HECTD4: variants seen among roughly 807,000 people sequenced by gnomAD.
HECTD4 encodes probable E3 ubiquitin-protein ligase HECTD4.
A neutral mutation model predicts 471.5 loss-of-function variants in HECTD4; 114 were observed. The ratio of observed to expected loss-of-function variants is 0.24; its 90% CI spans 0.21 to 0.28. The LOEUF is 0.28. Ranked by LOEUF, HECTD4 falls within the 10% of genes least tolerant of loss-of-function variation. The probability of loss-of-function intolerance (pLI) is 1.00; values close to 1 mark genes in which losing one functional copy is unlikely to be tolerated. For missense variants in HECTD4, 3,866 were observed against 5,651.5 expected, an observed-to-expected ratio of 0.68 and a Z score of 10.13; for synonymous variants, 2,012 against 2,256.0, an observed-to-expected ratio of 0.89 and a Z score of 3.07.
intron 23 of HECTD4, 39 bp from the exon 24 acceptor site, chr12:112,251,173 A>G: frequency 6.3e-7 from 1 of 1,595,066 alleles, no homozygotes; most frequent in East Asian, 2.2e-5. Context: ...TGGTCAGTGT[A>G]CACTGGCAGA....
chr12:112,209,418 C>T (rs1462079140), intron 50 of HECTD4, among the ~76,000 whole-genome samples: 1 of 151,924 alleles, frequency 6.6e-6, no homozygotes, highest in Non-Finnish European at 1.5e-5. Flanking sequence ...CCTCCACCTC[C>T]CGGTTCAAGC....
chr12:112,325,842 G>A (rs1230764968), intron 1 of HECTD4, among the ~76,000 whole-genome samples: 1 of 143,872 alleles, frequency 7.0e-6, no homozygotes, highest in African/African-American at 2.5e-5. Flanking sequence ...GAGACAGGTT[G>A]ACTCCAGCAG....
chr12:112,199,334 C>G (rs2032343311), intron 55 of HECTD4, among the ~76,000 whole-genome samples: 1 of 152,150 alleles, frequency 6.6e-6, no homozygotes, highest in Admixed American at 6.5e-5. Context: ...TTGACTGACT[C>G]ATTGAACTTA....
intron 54 of HECTD4, 73 bp downstream of exon 54, chr12:112,203,563 T>G: frequency 8.0e-7 from 1 of 1,256,782 alleles, no homozygotes; most frequent in Non-Finnish European, 1.1e-6. Context: ...CTTTTTAAGG[T>G]ACCTGGGAAT....
chr12:112,177,151 G>C (rs1014332066), intron 64 of HECTD4, among the ~76,000 whole-genome samples: 1 of 152,182 alleles, frequency 6.6e-6, no homozygotes, highest in Non-Finnish European at 1.5e-5. Context: ...CACCAGCACA[G>C]AAAAGTACTA....
At chr12:112,199,019 T>C (rs563820763) in intron 55 of HECTD4, among the ~76,000 whole-genome samples, 10 of 152,276 alleles carry the variant, frequency 6.6e-5, no homozygotes, top group Non-Finnish European at 1.5e-4. Context: ...CTGGAAGCCA[T>C]GCCTGTGGAG....
Position 112,228,113 on chromosome 12 carries a change from C to A in HECTD4, c.6830G>T (p.Arg2277Leu). The part of the protein sequence containing the change: ...DGSAPVMAVV[R>L]LLAEIRTRAC... ...CCTTGTCCTTATTTCAGCAAGGAGC[C>A]GAACGACTGCCATCACAGGAGCTGA... Residue 2277 changes from arginine to leucine, a missense_variant, in exon 43 of 76, where the codon CGG (arginine) becomes CTG (leucine). Arg to Leu is a moderately radical substitution (Grantham distance 102). Around this residue, in one of 16 missense-constraint regions of HECTD4, gnomAD observed 617 missense variants for 915.1 expected, o/e 0.67. Coordinates refer to ENST00000682272, the MANE Select transcript of HECTD4 (RefSeq NM_001388303.1). The surrounding 1 kb of genome is among the most constrained non-coding windows in gnomAD (Gnocchi z 4.9). The A allele has an allele frequency of 6.2e-7, 1 of 1,612,826 alleles. No homozygotes were observed. Among genetic ancestry groups the A allele is most frequent in the Non-Finnish European group, 8.5e-7 (1 of 1,179,406 alleles).
intron 1 of HECTD4, among the ~76,000 whole-genome samples, chr12:112,363,416 A>C (rs1239739703): frequency 6.6e-6 from 1 of 152,088 alleles, no homozygotes; most frequent in Non-Finnish European, 1.5e-5. Flanking sequence ...TTTTCAAGGT[A>C]CTGCTACTCA....
rs371570217 is a variant in HECTD4 at position 112,169,549 on chromosome 12, T to C, written c.12162A>G (p.Thr4054=). The change falls in exon 70 of 76, where the codon ACA becomes ACG. Residue 4054 remains threonine, a synonymous_variant. Transcript: ENST00000682272. ...CVKLASGGDP[T]YAFNIRFTGE... is the part of the protein sequence containing the mutation. ...CAGTGAAGCGGATGTTGAAGGCATA[T>C]GTGGGGTCACCGCCACTGGCCAGCT... 1.2e-6 allele frequency: 2 copies of C among 1,613,346 alleles called. No homozygotes were observed. The highest frequency in any genetic ancestry group is 1.3e-5 in the African/African-American group (1 of 74,938).
chr12:112,184,407 A>T lies in HECTD4; in HGVS notation c.10559T>A (p.Ile3520Asn), dbSNP rs2137027530. 1 of 1,607,394 alleles carries T rather than the reference A, an allele frequency of 6.2e-7. No homozygotes were observed. Among genetic ancestry groups the T allele is most frequent in the Non-Finnish European group, 8.5e-7 (1 of 1,177,586 alleles). The stretch of plus-strand genomic sequence containing the variant: ...GTGGGGCTCCAACAGGCCCGGAGGG[A>T]TGGGCAGCTCGAGGCCGGCAGGCAG... Reference protein sequence around the residue: ...DPLPAGLELPIPPGLLEPHAV... With the variant: ...DPLPAGLELPNPPGLLEPHAV... The change falls in exon 61 of 76, where the codon ATC (isoleucine) becomes AAC (asparagine). Residue 3520 changes from isoleucine (I) to asparagine (N), a missense_variant. Coordinates refer to ENST00000682272, the MANE Select transcript of HECTD4 (RefSeq NM_001388303.1). The surrounding 1 kb of genome is among the most constrained non-coding windows in gnomAD (Gnocchi z 9.1).
At chr12:112,210,292 G>T (rs770794980) in intron 49 of HECTD4, 40 bp from the exon 50 acceptor site, 1 of 1,590,766 alleles carries the variant, frequency 6.3e-7, no homozygotes, top group African/African-American at 1.3e-5. Flanking sequence ...AAAGACTTAC[G>T]TTTATTTTTA....
chr12:112,167,344 G>T lies in HECTD4; in HGVS notation c.12507C>A (p.Thr4169=). The part of the protein sequence containing the change: ...EQDLQEADIL[T]YNYVKKFESI... ...TCTCAAACTTCTTGACGTAATTGTAGGTGAGGATATCCGCTTCCTGCAGGT... is the reference window on the plus strand; with the variant it reads ...TCTCAAACTTCTTGACGTAATTGTATGTGAGGATATCCGCTTCCTGCAGGT... Residue 4169 remains threonine, a synonymous_variant, in exon 72 of 76, where the codon ACC becomes ACA. Transcript: ENST00000682272. 6.2e-7 allele frequency: 1 copy of T among 1,613,250 alleles called. No individual in the cohort carries two copies. The highest frequency in any genetic ancestry group is 1.1e-5 in the South Asian group (1 of 90,994).
intron 16 of HECTD4, among the ~76,000 whole-genome samples, chr12:112,264,797 C>T (rs2034230288): frequency 1.3e-5 from 2 of 152,296 alleles, no homozygotes; most frequent in South Asian, 4.1e-4. Flanking sequence ...CGGAGTCTTG[C>T]TCTGTCACCC....
At chr12:112,245,401 C>T (rs1456468073) in intron 29 of HECTD4, among the ~76,000 whole-genome samples, 1 of 152,130 alleles carries the variant, frequency 6.6e-6, no homozygotes, top group African/African-American at 2.4e-5. Flanking sequence ...GGTCAAGAGC[C>T]TCTGGGACAG....
intron 1 of HECTD4, among the ~76,000 whole-genome samples, chr12:112,335,337 C>T (rs780754673): frequency 1.2e-4 from 19 of 152,162 alleles, no homozygotes; most frequent in Middle Eastern, 3.4e-3. Context: ...TATGAGGATG[C>T]AAAGGCCTAA....
intron 1 of HECTD4, among the ~76,000 whole-genome samples, chr12:112,380,872 G>C (rs930140190): frequency 2.6e-5 from 4 of 152,040 alleles, no homozygotes; most frequent in Non-Finnish European, 5.9e-5. Context: ...ATAAATGTTC[G>C]TTGTGCGTAA....
intron 7 of HECTD4, among the ~76,000 whole-genome samples, chr12:112,292,923 G>A (rs974379875): frequency 2.6e-5 from 4 of 152,140 alleles, no homozygotes; most frequent in Non-Finnish European, 5.9e-5. Context: ...TAGGGAGGCT[G>A]AGGCAGGAGA....
chr12:112,285,466 G>A (rs2034731771), intron 7 of HECTD4, among the ~76,000 whole-genome samples: 1 of 151,888 alleles, frequency 6.6e-6, no homozygotes, highest in African/African-American at 2.4e-5. Flanking sequence ...AGCACATCAT[G>A]CTGTTTCATT....
At chr12:112,227,216 T>C (rs2033262781) in intron 43 of HECTD4, among the ~76,000 whole-genome samples, 1 of 152,140 alleles carries the variant, frequency 6.6e-6, no homozygotes, top group Non-Finnish European at 1.5e-5. Flanking sequence ...TCCCAGCAAT[T>C]TGGGAGACCA....
Sources: gnomAD v4.1 joint callset for allele counts (sites outside exome capture counted in the v4.1 genomes callset) on GRCh38, gnomAD v4.1.1 for gene constraint, gnomAD v4.1.1 regional missense constraint, Gnocchi (gnomAD v3.1) non-coding constraint, MANE v1.5 for transcripts, NCBI Gene and HGNC (gene_info 2026-07-23, HGNC 2026-07-21) for gene names.